Variants in PDE10A observed in about 807,000 individuals in gnomAD.
PDE10A encodes cAMP and cAMP-inhibited cGMP 3',5'-cyclic phosphodiesterase 10A.
In PDE10A, 39 loss-of-function variants were observed where a neutral mutation model predicts 97.7. The observed-to-expected ratio is 0.40, with a 90% CI of 0.31 to 0.52. The LOEUF is 0.52. Among genes scored for constraint, PDE10A ranks in the 20% least tolerant of loss-of-function variants. The probability of loss-of-function intolerance (pLI) is 0.56; values close to 1 mark genes in which losing one functional copy is unlikely to be tolerated. For synonymous variants in PDE10A, 371 were observed against 376.8 expected (o/e 0.98, Z 0.18); for missense variants, 731 against 1,047.8 (o/e 0.70, Z 4.17).
rs1006325651 is a variant in PDE10A at position 165,358,112 on chromosome 6, T to G, written c.2784-14610A>C. On this transcript the variant is annotated intron_variant, in intron 18 of 21. Transcript: ENST00000539869. ...AGTATACTGTTTACTTTCCAAATGG[T>G]TGGGGTTTTCCAGATAGCTTATCAT... is the stretch of plus-strand genomic sequence containing the variant. 3.3e-5 allele frequency among the ~76,000 whole-genome samples: 5 copies of G among 152,232 alleles called. No individual in the cohort carries two copies. In the East Asian group the frequency reaches 9.7e-4, roughly 29 times the overall value.
At chr6:165,972,638 C>T (rs182380659) in intron 1 of PDE10A, among the ~76,000 whole-genome samples, 16 of 152,186 alleles carry the variant, frequency 1.1e-4, no homozygotes, top group East Asian at 1.9e-4. Context: ...CACTGAGGCT[C>T]GGGTGCTGAG....
chr6:165,855,985 TTCTA>T (rs1361497616), intron 1 of PDE10A, among the ~76,000 whole-genome samples: 2 of 152,174 alleles, frequency 1.3e-5, no homozygotes, highest in Non-Finnish European at 2.9e-5. Flanking sequence ...TTCCACTAAA[TTCTA>T]TCTAAAACTT....
At chr6:165,496,719 G>T (rs1254854399) in intron 2 of PDE10A, among the ~76,000 whole-genome samples, 1 of 152,124 alleles carries the variant, frequency 6.6e-6, no homozygotes, top group African/African-American at 2.4e-5. Context: ...ATGATTCTGT[G>T]ATTATTAAGA....
intron 1 of PDE10A, among the ~76,000 whole-genome samples, chr6:165,678,518 T>A (rs1316185695): frequency 1.3e-5 from 2 of 152,142 alleles, no homozygotes; most frequent in African/African-American, 4.8e-5. Context: ...CAAATCCTCA[T>A]AACCCCTTCA....
chr6:165,635,440 T>A (rs928755468), intron 1 of PDE10A, among the ~76,000 whole-genome samples: 6 of 152,080 alleles, frequency 3.9e-5, no homozygotes, highest in African/African-American at 1.4e-4. Flanking sequence ...GAGATGGGGT[T>A]TGTCTTCATG....
intron 1 of PDE10A, among the ~76,000 whole-genome samples, chr6:165,944,940 G>T (rs1320880549): frequency 6.6e-6 from 1 of 152,156 alleles, no homozygotes; most frequent in Non-Finnish European, 1.5e-5. Context: ...TTCTAGTTTT[G>T]CCAGCTGGTA....
intron 1 of PDE10A, among the ~76,000 whole-genome samples, chr6:165,673,339 C>T (rs1305486441): frequency 6.6e-6 from 1 of 152,186 alleles, no homozygotes; most frequent in African/African-American, 2.4e-5. Context: ...GAGTCCATAG[C>T]CCCACTCTGA....
At chr6:165,659,785 G>A (rs543343044) in intron 1 of PDE10A, among the ~76,000 whole-genome samples, 198 of 152,260 alleles carry the variant, frequency 1.3e-3, no homozygotes, top group African/African-American at 4.4e-3. Context: ...TCCTCTCCAG[G>A]TATTGTGTTC....
intron 17 of PDE10A, among the ~76,000 whole-genome samples, chr6:165,387,358 G>C (rs947576594): frequency 6.6e-6 from 1 of 152,148 alleles, no homozygotes; most frequent in East Asian, 1.9e-4. Context: ...AAAAAGGACT[G>C]AGCAGGCAGC....
chr6:165,402,824 A>T (rs1215975927), intron 13 of PDE10A, among the ~76,000 whole-genome samples: 1 of 152,170 alleles, frequency 6.6e-6, no homozygotes, highest in Non-Finnish European at 1.5e-5. Flanking sequence ...TTAATTAGTG[A>T]TTATTTAGAA....
At chr6:165,634,708 A>T (rs1407670654) in intron 1 of PDE10A, among the ~76,000 whole-genome samples, 3 of 152,206 alleles carry the variant, frequency 2.0e-5, no homozygotes, top group Non-Finnish European at 4.4e-5. Context: ...ACAAGGTGAA[A>T]ATTTGAACTC....
intron 1 of PDE10A, among the ~76,000 whole-genome samples, chr6:165,570,996 A>G (rs1785024508): frequency 6.6e-6 from 1 of 152,220 alleles, no homozygotes. Context: ...AATTTTAGTG[A>G]GTAAGCAAAT....
intron 10 of PDE10A, among the ~76,000 whole-genome samples, chr6:165,425,771 G>GTGTGTGTGTGTA (rs1491195563): frequency 6.5e-4 from 7 of 10,752 alleles, no homozygotes; most frequent in African/African-American, 2.0e-3. Flanking sequence ...AGGCATGATC[G>GTGTGTGTGTGTA]TGTGTGTGTG....
intron 1 of PDE10A, among the ~76,000 whole-genome samples, chr6:165,568,815 G>A (rs1016889575): frequency 6.6e-6 from 1 of 152,152 alleles, no homozygotes; most frequent in African/African-American, 2.4e-5. Context: ...ATCTATCCAA[G>A]AATTTGTGAA....
At chr6:165,827,854 G>A (rs570093936) in intron 1 of PDE10A, among the ~76,000 whole-genome samples, 1 of 152,180 alleles carries the variant, frequency 6.6e-6, no homozygotes, top group South Asian at 2.1e-4. Context: ...TCATTCTTAC[G>A]CCTTTGCATC....
At chr6:165,887,467 T>G (rs1781658924) in intron 1 of PDE10A, among the ~76,000 whole-genome samples, 1 of 152,210 alleles carries the variant, frequency 6.6e-6, no homozygotes, top group African/African-American at 2.4e-5. Flanking sequence ...CAAGTTTCCA[T>G]CATTAACCTT....
intron 18 of PDE10A, among the ~76,000 whole-genome samples, chr6:165,373,489 A>G (rs1175942624): frequency 6.6e-6 from 1 of 152,248 alleles, no homozygotes; most frequent in Admixed American, 6.5e-5. Context: ...AATGCTCATC[A>G]TGACTGGCCA....
chr6:165,468,487 G>A (rs1583344217), intron 3 of PDE10A, among the ~76,000 whole-genome samples: 2 of 152,188 alleles, frequency 1.3e-5, no homozygotes, highest in East Asian at 3.9e-4. Flanking sequence ...TATATGCGCT[G>A]AGAAACCAAA....
At chr6:165,723,795 A>G (rs975369091) in intron 1 of PDE10A, among the ~76,000 whole-genome samples, 7 of 152,130 alleles carry the variant, frequency 4.6e-5, no homozygotes, top group South Asian at 2.1e-4. Context: ...GGATACCTAA[A>G]CATTTTAAAG....
Sources: allele counts gnomAD v4.1 joint callset (sites outside exome capture counted in the v4.1 genomes callset), GRCh38; gene constraint gnomAD v4.1.1; transcripts MANE v1.5; gene names NCBI Gene and HGNC (gene_info 2026-07-23, HGNC 2026-07-21).